TAMALIN: variants seen among roughly 807,000 people sequenced by gnomAD.
The protein encoded by TAMALIN is protein TAMALIN.
Under a neutral mutation model 38.5 loss-of-function variants are expected in TAMALIN, and 9 were observed. The ratio of observed to expected loss-of-function variants is 0.23; its 90% CI spans 0.14 to 0.41. The LOEUF (loss-of-function observed/expected upper bound fraction) is 0.41. TAMALIN is among the 10% of genes least tolerant of loss of function. TAMALIN has a pLI of 1.00. For missense variants in TAMALIN, 548 were observed against 554.1 expected (o/e 0.99, Z 0.11); for synonymous variants, 306 against 256.5 (o/e 1.19, Z -1.85).
intron 1 of TAMALIN, chr12:52,008,830 G>A (rs1423678030): frequency 2.2e-6 from 2 of 889,486 alleles, no homozygotes; most frequent in East Asian, 2.4e-4. Context: ...TTGGGAGTCT[G>A]GATGGCCTGA....
rs1937790812 is a variant in TAMALIN, at chr12:52,015,523, A to G, written c.*324A>G. On this transcript the variant is annotated 3_prime_UTR_variant, in exon 8 of 8. Coordinates refer to ENST00000293662, the MANE Select transcript of TAMALIN (RefSeq NM_181711.4). ...TCCAGGAACACCCTCCCAGCAGGGG[A>G]TGGGAACCCTGTCCCATGAAGCCCT... is the stretch of plus-strand genomic sequence containing the variant. 3.9e-6 allele frequency: 1 copy of G among 253,800 alleles called. No individual in the cohort carries two copies. Among genetic ancestry groups the G allele is most frequent in the African/African-American group, 2.3e-5 (1 of 43,240 alleles). The allele number at this position is 253,800 out of a possible 1,614,324, so 15.7% of individuals were successfully genotyped here.
Position 52,014,776 on chromosome 12 carries a change from C to T in TAMALIN, c.765C>T (p.Gly255=). The T allele has an allele frequency of 6.8e-7, 1 of 1,472,046 alleles. No homozygotes were observed. Among genetic ancestry groups the T allele is most frequent in the Non-Finnish European group, 8.9e-7 (1 of 1,120,768 alleles). The allele number at this position is 1,472,046 out of a possible 1,614,324, so 91.2% of individuals were successfully genotyped here. The change falls in exon 8 of 8, where the codon GGC becomes GGT. Residue 255 remains glycine, a synonymous_variant. Coordinates refer to ENST00000293662, the MANE Select transcript of TAMALIN (RefSeq NM_181711.4). ...TCTACGGCGCGGGCCTGCTCCCGGG[C>T]TCGCTGCCCTTCGGGCCTCTGCTCG... ...SCLYGAGLLP[G]SLPFGPLLAV... is the part of the protein sequence containing the mutation.
intron 7 of TAMALIN, 146 bp downstream of exon 7, chr12:52,014,347 C>T: frequency 1.4e-6 from 1 of 718,134 alleles, no homozygotes; most frequent in Non-Finnish European, 2.5e-6. Context: ...GCTACTACTA[C>T]TTTGGGTACT....
rs751370984 is a variant in TAMALIN at position 52,011,255 on chromosome 12, A to C, written c.454+114A>C. The C allele has an allele frequency of 6.5e-6, 10 of 1,543,788 alleles. No homozygotes were observed. The highest frequency in any genetic ancestry group is 2.3e-5 in the South Asian group (2 of 86,944). ...AATTCCTCTTCCTTTTCCTTCTTTG[A>C]GAAGGCCAGAAAGAAGAATGGATAG... On this transcript the variant is annotated intron_variant, in intron 4 of 7. Transcript: ENST00000293662. This position sits in a 1 kb window ranked among gnomAD's most constrained non-coding sequence, Gnocchi z 5.3.
chr12:52,013,429 C>T (rs916639534), intron 4 of TAMALIN: 1 of 469,760 alleles, frequency 2.1e-6, no homozygotes, highest in Non-Finnish European at 3.9e-6. Flanking sequence ...GAGGTCCCCA[C>T]CCTTTGGCTG....
In TAMALIN at chr12:52,015,165, A is replaced by G. The variant is rs1171816212; in HGVS notation, c.1154A>G (p.Asn385Ser). 6.4e-7 allele frequency: 1 copy of G among 1,574,498 alleles called. No homozygotes were observed. Among genetic ancestry groups the G allele is most frequent in the Admixed American group, 1.7e-5 (1 of 59,010 alleles). ...RRLLKFIPGL[N>S]RSLEEEESQL ...CTGCTCAAGTTCATCCCCGGACTCA[A>G]CCGCTCCCTGGAGGAGGAGGAGAGC... The change falls in exon 8 of 8, where the codon AAC becomes AGC. Residue 385 changes from asparagine to serine, a missense_variant. Asn to Ser is a conservative substitution (Grantham distance 46). Coordinates refer to ENST00000293662, the MANE Select transcript of TAMALIN (RefSeq NM_181711.4).
chr12:52,007,585 C>T lies in TAMALIN; in HGVS notation c.246+320C>T. 1.0e-6 allele frequency: 1 copy of T among 984,820 alleles called. No homozygotes were observed. Among genetic ancestry groups the T allele is most frequent in the East Asian group, 1.1e-4 (1 of 8,786 alleles). 61.0% of individuals were successfully genotyped at this position (984,820 alleles called of 1,614,324 possible). A position where few individuals can be genotyped will look rare whatever the true frequency, so the allele number is the denominator to read the frequency against. ...CCCCCCATGCCCCGCCTCCCCGTGGCCAGGTGTCCTGGGTCCCCAGGAGCC... is the reference window on the plus strand; with the variant it reads ...CCCCCCATGCCCCGCCTCCCCGTGGTCAGGTGTCCTGGGTCCCCAGGAGCC... On this transcript the variant is annotated intron_variant, in intron 1 of 7. Coordinates refer to ENST00000293662, the MANE Select transcript of TAMALIN (RefSeq NM_181711.4). The surrounding 1 kb of genome is among the most constrained non-coding windows in gnomAD (Gnocchi z 6.7).
rs1256909438 is a variant in TAMALIN at position 52,014,295 on chromosome 12, C to T, written c.682+94C>T. 2.0e-5 allele frequency: 21 copies of T among 1,053,936 alleles called. 1 individual carries two copies. The highest frequency in any genetic ancestry group is 6.0e-5 in the Admixed American group (3 of 50,336). The allele number at this position is 1,053,936 out of a possible 1,614,324, so 65.3% of individuals were successfully genotyped here. ...AGAACTGGCGGGTTCTAGTAAAGAA[C>T]GGTTTACTAGTAAACCTCCACAGTA... On this transcript the variant is annotated intron_variant, in intron 7 of 7. Transcript: ENST00000293662.
intron 2 of TAMALIN, 29 bp from the exon 3 acceptor site, chr12:52,010,852 A>G: frequency 6.2e-7 from 1 of 1,612,640 alleles, no homozygotes; most frequent in Non-Finnish European, 8.5e-7. Context: ...TTTTAATCCT[A>G]ATTGTCTTGA....
chr12:52,014,862 T>C lies in TAMALIN; in HGVS notation c.851T>C (p.Val284Ala). 1 of 1,268,058 alleles carries C rather than the reference T, an allele frequency of 7.9e-7. No homozygotes were observed. Among genetic ancestry groups the C allele is most frequent in the Non-Finnish European group, 1.0e-6 (1 of 1,003,284 alleles). The allele number at this position is 1,268,058 out of a possible 1,614,324, so 78.6% of individuals were successfully genotyped here. ...RRARGDADDAVYHTCFFGDSE... is the reference protein window; with the variant it reads ...RRARGDADDAAYHTCFFGDSE... ...GCCAGGGGCGACGCCGACGACGCCGTCTACCACACGTGCTTCTTCGGGGAC... is the reference window on the plus strand; with the variant it reads ...GCCAGGGGCGACGCCGACGACGCCGCCTACCACACGTGCTTCTTCGGGGAC... Residue 284 changes from valine to alanine, a missense_variant, in exon 8 of 8, where the codon GTC becomes GCC. By Grantham distance (64) the Val-to-Ala change is moderately conservative. This residue lies in a region of TAMALIN where 415 missense variants were observed against 417.0 expected (regional missense o/e 1.00). Transcript: ENST00000293662.
In TAMALIN at chr12:52,014,215, G is replaced by T. The variant is rs923283607; in HGVS notation, c.682+14G>T. 6.3e-7 allele frequency: 1 copy of T among 1,582,504 alleles called. No homozygotes were observed. Among genetic ancestry groups the T allele is most frequent in the Non-Finnish European group, 8.6e-7 (1 of 1,161,960 alleles). Reference sequence around the variant, plus strand: ...GGCTGGTGCATGGTGAGTAGATCCCGGGGTGTGAGGGGCCACTTGTTCTGC... The same window carrying T: ...GGCTGGTGCATGGTGAGTAGATCCCTGGGTGTGAGGGGCCACTTGTTCTGC... On this transcript the variant is annotated intron_variant, in intron 7 of 7. Coordinates refer to ENST00000293662, the MANE Select transcript of TAMALIN (RefSeq NM_181711.4).
Position 52,011,315 on chromosome 12 carries a change from T to A in TAMALIN, c.454+174T>A. 1 of 1,113,140 alleles carries A rather than the reference T, an allele frequency of 9.0e-7. No homozygotes were observed. The highest frequency in any genetic ancestry group is 2.6e-5 in the East Asian group (1 of 38,728). The allele number at this position is 1,113,140 out of a possible 1,614,324, so 69.0% of individuals were successfully genotyped here. ...TTTGGATCTAGGCAAATTTGCCATG[T>A]ACTGTGTGATCTTGCACAGCCCCAT... is the stretch of plus-strand genomic sequence containing the variant. On this transcript the variant is annotated intron_variant, in intron 4 of 7. Coordinates refer to ENST00000293662, the MANE Select transcript of TAMALIN (RefSeq NM_181711.4). This position sits in a 1 kb window ranked among gnomAD's most constrained non-coding sequence, Gnocchi z 5.3.
intron 1 of TAMALIN, 107 bp from the exon 2 acceptor site, chr12:52,009,083 G>A (rs1415386802): frequency 9.4e-7 from 1 of 1,064,182 alleles, no homozygotes; most frequent in Non-Finnish European, 1.4e-6. Flanking sequence ...ATGTGGAGCT[G>A]GGAAGGGGCA....
intron 2 of TAMALIN, among the ~76,000 whole-genome samples, chr12:52,009,942 C>T (rs920276731): frequency 6.6e-6 from 1 of 152,174 alleles, no homozygotes; most frequent in South Asian, 2.1e-4. Context: ...TCATAAGGGG[C>T]CTGCAAAGAA....
chr12:52,008,378 A>T, intron 1 of TAMALIN: 1 of 985,320 alleles, frequency 1.0e-6, no homozygotes, highest in Non-Finnish European at 1.2e-6. Flanking sequence ...CCCTGAAGAG[A>T]CAGGAACCTT....
Position 52,006,986 on chromosome 12 carries a change from G to T in TAMALIN, c.-34G>T. The T allele has an allele frequency of 7.9e-7, 1 of 1,263,626 alleles. No individual in the cohort carries two copies. The highest frequency in any genetic ancestry group is 1.0e-6 in the Non-Finnish European group (1 of 1,001,676). The allele number at this position is 1,263,626 out of a possible 1,614,324, so 78.3% of individuals were successfully genotyped here. On this transcript the variant is annotated 5_prime_UTR_variant, in exon 1 of 8. Coordinates refer to ENST00000293662, the MANE Select transcript of TAMALIN (RefSeq NM_181711.4). ...CCGCCAGCCCCGCCGAGGGGAGCCA[G>T]CGCCGTCTCTGAGGGGCGTCCGGCG...
At chr12:52,010,994 G>A (rs751832797) in intron 3 of TAMALIN, 45 bp from the exon 4 acceptor site, 57 of 1,613,746 alleles carry the variant, frequency 3.5e-5, no homozygotes, top group African/African-American at 8.0e-5. Flanking sequence ...AGGGATGAAC[G>A]GACTTGTCCC....
chr12:52,010,118 T>A (rs1041845484), intron 2 of TAMALIN, among the ~76,000 whole-genome samples: 1 of 152,116 alleles, frequency 6.6e-6, no homozygotes, highest in Admixed American at 6.5e-5. Context: ...GGGCTCGAGC[T>A]GGAGTGGGGA....
chr12:52,010,967 G>T, intron 3 of TAMALIN, 32 bp downstream of exon 3: 1 of 1,614,094 alleles, frequency 6.2e-7, no homozygotes, highest in Non-Finnish European at 8.5e-7. Flanking sequence ...GGTCAGGGGG[G>T]TTGGATGACC....
Sources: allele counts gnomAD v4.1 joint callset (sites outside exome capture counted in the v4.1 genomes callset), GRCh38; gene constraint gnomAD v4.1.1; regional missense constraint gnomAD v4.1.1; non-coding constraint Gnocchi (gnomAD v3.1); transcripts MANE v1.5; gene names NCBI Gene and HGNC (gene_info 2026-07-23, HGNC 2026-07-21).